The following HEMK2 variants were observed in gnomAD, a reference collection of about 807,000 sequenced individuals.
HEMK2 encodes the protein HemK methyltransferase 2, ETF1 glutamine and histone H4 lysine.
At chr21:28,859,950 T>A in the HEMK2 span, among the ~76,000 whole-genome samples, 2 of 152,214 alleles carry the variant, frequency 1.3e-5, no homozygotes, top group African/African-American at 4.8e-5. Flanking sequence ...CTGAGTGTGA[T>A]GGTTAATATG....
At chr21:28,754,111 T>G in the HEMK2 span, among the ~76,000 whole-genome samples, 1 of 152,226 alleles carries the variant, frequency 6.6e-6, no homozygotes, top group Non-Finnish European at 1.5e-5. Flanking sequence ...CACTCCTATG[T>G]GTAGCTTCCA....
At chr21:28,767,124 G>A in the HEMK2 span, among the ~76,000 whole-genome samples, 3 of 151,936 alleles carry the variant, frequency 2.0e-5, no homozygotes, top group Admixed American at 2.0e-4. Flanking sequence ...TATAAAAAGG[G>A]GAGTTCCCCT....
the HEMK2 span, among the ~76,000 whole-genome samples, chr21:28,704,658 T>G: frequency 1 from 152,088 of 152,090 alleles, 76,043 homozygotes; most frequent in Middle Eastern, 1. Flanking sequence ...TTAAAAAAAA[T>G]TCAAATTGCT....
At chr21:28,850,217 CTTTTTTTTTTT>C in the HEMK2 span, among the ~76,000 whole-genome samples, 1 of 94,430 alleles carries the variant, frequency 1.1e-5, no homozygotes, top group African/African-American at 4.6e-5. Flanking sequence ...ATTCAGCATT[CTTTTTTTTTTT>C]TTTTTTTTTT....
At chr21:28,640,569 C>A in the HEMK2 span, among the ~76,000 whole-genome samples, 1 of 152,196 alleles carries the variant, frequency 6.6e-6, no homozygotes. Flanking sequence ...CACCCTAAAT[C>A]AAATTAAGGT....
At chr21:28,775,420 T>C in the HEMK2 span, among the ~76,000 whole-genome samples, 1 of 152,170 alleles carries the variant, frequency 6.6e-6, no homozygotes, top group Non-Finnish European at 1.5e-5. Flanking sequence ...GGTCTTGAGC[T>C]GAGGAGAATT....
chr21:28,707,638 TCTA>T, the HEMK2 span, among the ~76,000 whole-genome samples: 1 of 152,164 alleles, frequency 6.6e-6, no homozygotes, highest in Non-Finnish European at 1.5e-5. Context: ...AAATAGTTTT[TCTA>T]CTACATTTAG....
the HEMK2 span, among the ~76,000 whole-genome samples, chr21:28,667,220 A>G: frequency 6.6e-6 from 1 of 152,152 alleles, no homozygotes; most frequent in Non-Finnish European, 1.5e-5. Flanking sequence ...TCTCATTGTC[A>G]TGAACTCATG....
At chr21:28,806,158 C>T in the HEMK2 span, among the ~76,000 whole-genome samples, 641 of 152,250 alleles carry the variant, frequency 4.2e-3, 3 homozygotes, top group African/African-American at 0.015. Context: ...TCTCCAGTGC[C>T]CCCACATGAC....
chr21:28,813,826 A>G, the HEMK2 span, among the ~76,000 whole-genome samples: 1 of 152,220 alleles, frequency 6.6e-6, no homozygotes, highest in Non-Finnish European at 1.5e-5. Context: ...AGCAATAGGA[A>G]AAGGATTCCC....
the HEMK2 span, among the ~76,000 whole-genome samples, chr21:28,721,658 C>T: frequency 1.3e-5 from 2 of 152,040 alleles, no homozygotes; most frequent in African/African-American, 4.8e-5. Context: ...CATATAACAG[C>T]TATACTTACA....
the HEMK2 span, among the ~76,000 whole-genome samples, chr21:28,724,267 C>T: frequency 6.6e-6 from 1 of 152,210 alleles, no homozygotes; most frequent in Non-Finnish European, 1.5e-5. Flanking sequence ...CATATTCTCA[C>T]TGGCAGAAAC....
chr21:28,639,178 A>G, the HEMK2 span, among the ~76,000 whole-genome samples: 1 of 152,222 alleles, frequency 6.6e-6, no homozygotes, highest in Non-Finnish European at 1.5e-5. Context: ...CATGGATAAA[A>G]TGGTAGAATT....
chr21:28,795,379 A>G, the HEMK2 span, among the ~76,000 whole-genome samples: 1 of 152,078 alleles, frequency 6.6e-6, no homozygotes, highest in African/African-American at 2.4e-5. Context: ...ATGCCAAAAC[A>G]CTGCCTAATA....
chr21:28,616,711 G>A, the HEMK2 span, among the ~76,000 whole-genome samples: 9 of 152,120 alleles, frequency 5.9e-5, no homozygotes, highest in Non-Finnish European at 1.3e-4. Flanking sequence ...ATATTTTCCA[G>A]ATTGAATATT....
the HEMK2 span, among the ~76,000 whole-genome samples, chr21:28,821,750 T>C: frequency 2.0e-5 from 3 of 152,188 alleles, no homozygotes; most frequent in Non-Finnish European, 4.4e-5. Flanking sequence ...CTGACATCTG[T>C]TTGCTGCTAG....
chr21:28,872,432 A>C, the HEMK2 span: 1 of 152,194 alleles, frequency 6.6e-6, no homozygotes, highest in African/African-American at 2.4e-5. Context: ...GGAATCTTTC[A>C]CAGTGGGCAT....
the HEMK2 span, among the ~76,000 whole-genome samples, chr21:28,685,546 C>A: frequency 6.6e-6 from 1 of 152,076 alleles, no homozygotes; most frequent in Non-Finnish European, 1.5e-5. Flanking sequence ...AAACAAAGCC[C>A]ATCGTTGCAA....
chr21:28,728,003 G>T, the HEMK2 span, among the ~76,000 whole-genome samples: 12 of 152,216 alleles, frequency 7.9e-5, no homozygotes. Context: ...AACAGAGATT[G>T]GAGCGATTCA....
Sources: allele counts gnomAD v4.1 joint callset (sites outside exome capture counted in the v4.1 genomes callset), GRCh38; gene constraint gnomAD v4.1.1; transcripts MANE v1.5; gene names NCBI Gene and HGNC (gene_info 2026-07-23, HGNC 2026-07-21).